NELL1: variants seen among roughly 807,000 people sequenced by gnomAD.
NELL1 encodes the protein protein kinase C-binding protein NELL1.
A neutral mutation model predicts 107.4 loss-of-function variants in NELL1; 76 were observed. The observed-to-expected ratio is 0.71, with a 90% CI of 0.59 to 0.86. The LOEUF is 0.86. Among genes scored for constraint, NELL1 ranks in the 40% least tolerant of loss-of-function variants. The probability of loss-of-function intolerance (pLI) is 0.00; values close to 1 mark genes in which losing one functional copy is unlikely to be tolerated. For synonymous variants in NELL1, 353 were observed against 341.2 expected, an observed-to-expected ratio of 1.03 and a Z score of -0.38; for missense variants, 1,024 against 1,005.5, an observed-to-expected ratio of 1.02 and a Z score of -0.25.
intron 13 of NELL1, among the ~76,000 whole-genome samples, chr11:21,208,331 C>G (rs1425336585): frequency 6.6e-6 from 1 of 151,766 alleles, no homozygotes; most frequent in African/African-American, 2.4e-5. Flanking sequence ...CGTTTATCTT[C>G]TCTTCAACAC....
chr11:21,386,058 T>C (rs74559545), intron 15 of NELL1, among the ~76,000 whole-genome samples: 1,724 of 151,986 alleles, frequency 0.011, 32 homozygotes, highest in African/African-American at 0.038. Context: ...TGGTTTTTCC[T>C]TCATAAAATG....
intron 19 of NELL1, 74 bp downstream of exon 19, chr11:21,573,483 T>A (rs1330562520): frequency 2.4e-6 from 3 of 1,248,392 alleles, no homozygotes; most frequent in Non-Finnish European, 3.5e-6. Context: ...CCACTCCTGA[T>A]GTTTCTGAAT....
At chr11:21,227,074 C>A (rs1280080449) in intron 13 of NELL1, among the ~76,000 whole-genome samples, 3 of 152,178 alleles carry the variant, frequency 2.0e-5, no homozygotes, top group East Asian at 1.9e-4. Context: ...CAGAACCATA[C>A]CTTTCTCCAT....
At chr11:20,902,273 A>G (rs1036534206) in intron 5 of NELL1, among the ~76,000 whole-genome samples, 8 of 149,612 alleles carry the variant, frequency 5.3e-5, no homozygotes, top group Non-Finnish European at 1.2e-4. Flanking sequence ...TCAATAAGAA[A>G]CCTTTTTTTT....
At chr11:21,312,882 A>G (rs931910919) in intron 14 of NELL1, among the ~76,000 whole-genome samples, 3 of 152,086 alleles carry the variant, frequency 2.0e-5, no homozygotes, top group Non-Finnish European at 2.9e-5. Flanking sequence ...CTCACCTCTC[A>G]GAGGAGAGGG....
intron 14 of NELL1, among the ~76,000 whole-genome samples, chr11:21,338,325 A>G (rs1039158354): frequency 5.9e-5 from 9 of 152,208 alleles, no homozygotes; most frequent in Admixed American, 2.6e-4. Context: ...AGAGAGGACA[A>G]TCACAAATGG....
At chr11:21,135,490 C>G (rs774270641) in intron 13 of NELL1, among the ~76,000 whole-genome samples, 2 of 152,060 alleles carry the variant, frequency 1.3e-5, no homozygotes, top group Non-Finnish European at 2.9e-5. Context: ...GCACTTGAGC[C>G]CAACTTTGGA....
At chr11:21,351,681 C>A (rs1217501372) in intron 14 of NELL1, among the ~76,000 whole-genome samples, 1 of 152,084 alleles carries the variant, frequency 6.6e-6, no homozygotes, top group African/African-American at 2.4e-5. Context: ...ATTGTCTTCT[C>A]TCACATCTCC....
rs181720933 is a variant in NELL1, at chr11:21,466,062, A to G, written c.1646-68312A>G. ...ACATAGCCTTCTCATTTTATACATG[A>G]AGGAACTGAAACCTAGAGAGGGGGA... is the stretch of plus-strand genomic sequence containing the variant. On this transcript the variant is annotated intron_variant, in intron 15 of 19. Transcript: ENST00000357134. Among the ~76,000 whole-genome samples the G allele has an allele frequency of 3.3e-5, 5 of 152,228 alleles. No individual in the cohort carries two copies. In the East Asian group the frequency reaches 7.7e-4, roughly 24 times the overall value.
intron 12 of NELL1, among the ~76,000 whole-genome samples, chr11:20,976,060 ATC>A (rs1851624461): frequency 1.4e-5 from 2 of 145,330 alleles, no homozygotes; most frequent in Admixed American, 7.0e-5. Flanking sequence ...ATATACATAT[ATC>A]TGTACATATA....
In NELL1 at chr11:21,455,320, C is replaced by CTT. The variant is rs34607165; in HGVS notation, c.1646-79038_1646-79037dup. Among the ~76,000 whole-genome samples the CTT allele has an allele frequency of 8.4e-4, 65 of 77,198 alleles. 1 individual carries two copies. Among genetic ancestry groups the CTT allele is most frequent in the Non-Finnish European group, 1.2e-3 (50 of 42,926 alleles). 50.6% of individuals were successfully genotyped at this position (77,198 alleles called of 152,430 possible). ...TATTTCCTTTTTTTTTTCTTTTATTCTTTTTTTTTTTTTTTTTAATGAGAG... is the reference window on the plus strand; with the variant it reads ...TATTTCCTTTTTTTTTTCTTTTATTCTTTTTTTTTTTTTTTTTTTAATGAGAG... On this transcript the variant is annotated intron_variant, in intron 15 of 19. Coordinates refer to ENST00000357134, the MANE Select transcript of NELL1 (RefSeq NM_006157.5).
chr11:21,244,925 T>C (rs1211805428), intron 14 of NELL1, among the ~76,000 whole-genome samples: 1 of 152,126 alleles, frequency 6.6e-6, no homozygotes, highest in East Asian at 1.9e-4. Context: ...ATAATAATTG[T>C]GTCTATCTCC....
intron 13 of NELL1, among the ~76,000 whole-genome samples, chr11:21,123,406 T>C (rs941864528): frequency 5.4e-5 from 8 of 148,646 alleles, no homozygotes; most frequent in African/African-American, 1.5e-4. Flanking sequence ...TGTTAGAGTA[T>C]ATTAACAGCT....
At chr11:21,244,491 G>A (rs1858441302) in intron 14 of NELL1, among the ~76,000 whole-genome samples, 1 of 152,112 alleles carries the variant, frequency 6.6e-6, no homozygotes. Flanking sequence ...AAATCTCAAT[G>A]TAGACCAAGA....
At chr11:20,681,398 A>T (rs1324322511) in intron 2 of NELL1, among the ~76,000 whole-genome samples, 1 of 152,100 alleles carries the variant, frequency 6.6e-6, no homozygotes, top group Non-Finnish European at 1.5e-5. Flanking sequence ...TGTAACAAGG[A>T]TCCTCCATCT....
chr11:21,072,064 A>T (rs1854028825), intron 12 of NELL1, among the ~76,000 whole-genome samples: 1 of 152,160 alleles, frequency 6.6e-6, no homozygotes, highest in Non-Finnish European at 1.5e-5. Flanking sequence ...TCAACAATAT[A>T]TGCAGAAGAG....
At chr11:21,280,508 G>C (rs1269345356) in intron 14 of NELL1, among the ~76,000 whole-genome samples, 4 of 152,170 alleles carry the variant, frequency 2.6e-5, no homozygotes, top group African/African-American at 4.8e-5. Flanking sequence ...CATGAAGAGA[G>C]AATCTGTGCA....
intron 12 of NELL1, among the ~76,000 whole-genome samples, chr11:21,066,969 GTAAA>G (rs10542680): frequency 0.049 from 7,221 of 148,486 alleles, 415 homozygotes; most frequent in African/African-American, 0.13. Flanking sequence ...AATTTAAAAA[GTAAA>G]TAAATAAATA....
chr11:21,525,240 A>G (rs991871988), intron 15 of NELL1, among the ~76,000 whole-genome samples: 1 of 152,200 alleles, frequency 6.6e-6, no homozygotes, highest in African/African-American at 2.4e-5. Flanking sequence ...AGAGAGCTAT[A>G]TTGTCAATAC....
Sources: gnomAD v4.1 joint callset for allele counts (sites outside exome capture counted in the v4.1 genomes callset) on GRCh38, gnomAD v4.1.1 for gene constraint, MANE v1.5 for transcripts, NCBI Gene and HGNC (gene_info 2026-07-23, HGNC 2026-07-21) for gene names.